The following EBF1 variants were observed in gnomAD, a reference collection of about 807,000 sequenced individuals.
EBF1 encodes transcription factor COE1.
EBF1 carries 10 observed loss-of-function variants against 68.4 expected under a neutral mutation model. The observed-to-expected ratio is 0.15, with a 90% CI of 0.09 to 0.25. The LOEUF (loss-of-function observed/expected upper bound fraction) is 0.25. Among genes scored for constraint, EBF1 ranks in the 10% least tolerant of loss-of-function variants. EBF1 has a pLI of 1.00. For synonymous variants in EBF1, 298 were observed against 299.8 expected (o/e 0.99, Z 0.06); for missense variants, 509 against 794.4 (o/e 0.64, Z 4.32).
At chr5:158,918,567 G>T (rs903345237) in intron 6 of EBF1, among the ~76,000 whole-genome samples, 2 of 152,168 alleles carry the variant, frequency 1.3e-5, no homozygotes, top group Non-Finnish European at 2.9e-5. Flanking sequence ...GAGAAACTGA[G>T]ATTTAATAAT....
chr5:158,767,487 C>T (rs1049787072), intron 10 of EBF1, among the ~76,000 whole-genome samples: 10 of 152,078 alleles, frequency 6.6e-5, no homozygotes, highest in African/African-American at 2.4e-4. Context: ...GGCTCTGGTA[C>T]CCTTCACCAG....
chr5:158,697,356 T>TA lies in EBF1; in HGVS notation c.*1754dup, dbSNP rs551249027. 18 of 198,554 alleles carry TA rather than the reference T, an allele frequency of 9.1e-5. No individual in the cohort carries two copies. The highest frequency in any genetic ancestry group is 5.4e-4 in the Admixed American group (9 of 16,522). The allele number at this position is 198,554 out of a possible 1,614,324, so 12.3% of individuals were successfully genotyped here. ...TAGACAATGACTTTTGGGTGGAAAT[T>TA]AAAAAAACTGAAGCATGGTTTATAA... On this transcript the variant is annotated 3_prime_UTR_variant, in exon 16 of 16. Transcript: ENST00000313708.
At chr5:158,969,210 G>A (rs911798832) in intron 6 of EBF1, among the ~76,000 whole-genome samples, 3 of 152,128 alleles carry the variant, frequency 2.0e-5, no homozygotes, top group Non-Finnish European at 2.9e-5. Context: ...GTTGAGGCAT[G>A]AGACTCACTT....
At chr5:159,031,539 A>T (rs1481716428) in intron 6 of EBF1, among the ~76,000 whole-genome samples, 1 of 152,180 alleles carries the variant, frequency 6.6e-6, no homozygotes, top group Non-Finnish European at 1.5e-5. Context: ...TCTACATTTG[A>T]CTTCAACTGG....
intron 1 of EBF1, among the ~76,000 whole-genome samples, chr5:159,098,826 AAAAG>A (rs1348788663): frequency 6.6e-6 from 1 of 151,744 alleles, no homozygotes; most frequent in Admixed American, 6.6e-5. Context: ...GAAGAAAGAA[AAAAG>A]AAAGGCAGGA....
chr5:159,081,125 C>T (rs190807514), intron 5 of EBF1, among the ~76,000 whole-genome samples: 5 of 152,210 alleles, frequency 3.3e-5, no homozygotes, highest in Admixed American at 3.3e-4. Flanking sequence ...GGAATACAGG[C>T]ATGCACCATG....
At chr5:158,938,136 C>A (rs1308759750) in intron 6 of EBF1, among the ~76,000 whole-genome samples, 1 of 152,150 alleles carries the variant, frequency 6.6e-6, no homozygotes, top group African/African-American at 2.4e-5. Context: ...TTGTTTGAGA[C>A]CCTTTTCAAT....
chr5:158,732,513 C>A (rs1764307442), intron 10 of EBF1, among the ~76,000 whole-genome samples: 1 of 151,918 alleles, frequency 6.6e-6, no homozygotes, highest in South Asian at 2.1e-4. Context: ...ACTTGTAAAT[C>A]TAAAAGGCTA....
intron 7 of EBF1, among the ~76,000 whole-genome samples, chr5:158,831,940 G>A (rs1057309003): frequency 1.3e-5 from 2 of 152,222 alleles, no homozygotes; most frequent in Admixed American, 1.3e-4. Context: ...AGGCCAATGT[G>A]CTTGACAGGA....
In EBF1 at chr5:158,906,106, G is replaced by C. The variant is rs954020650; in HGVS notation, c.555-65996C>G. On this transcript the variant is annotated intron_variant, in intron 6 of 15. Coordinates refer to ENST00000313708, the MANE Select transcript of EBF1 (RefSeq NM_024007.5). ...CCAGCTTTACCATGAGGGGAAGGTG[G>C]TTCGATAGGGAAAGAGGGATAAAGG... Among the ~76,000 whole-genome samples, 54 of 152,152 alleles carry C rather than the reference G, an allele frequency of 3.5e-4. 1 individual carries two copies. Among genetic ancestry groups the C allele is most frequent in the Non-Finnish European group, 5.7e-4 (39 of 68,008 alleles).
chr5:159,096,218 G>A (rs1193037103), intron 3 of EBF1, 125 bp downstream of exon 3: 1 of 1,035,710 alleles, frequency 9.7e-7, no homozygotes, highest in South Asian at 1.6e-5. Flanking sequence ...AGGAGAGGCT[G>A]GTTCACCTCA....
At chr5:158,969,900 GAAAGAAAGAAAGAAAGAAAAAAAA>G (rs1360432201) in intron 6 of EBF1, among the ~76,000 whole-genome samples, 66 of 107,218 alleles carry the variant, frequency 6.2e-4, no homozygotes, top group Non-Finnish European at 9.9e-4. Flanking sequence ...AAGAAAGAAA[GAAAGAAAGAAAGAAAGAAAAAAAA>G]AAAAAAGGCT....
rs143562230 is a variant in EBF1 at position 158,728,896 on chromosome 5, C to T, written c.1125+2173G>A. 9.8e-4 allele frequency among the ~76,000 whole-genome samples: 149 copies of T among 152,332 alleles called. 1 individual carries two copies. Among genetic ancestry groups the T allele is most frequent in the African/African-American group, 3.4e-3 (141 of 41,578 alleles). ...TAAAGTGGCAACTATGGGCCAGATG[C>T]TATGCCAAGGGCACCCATGAGATGA... is the stretch of plus-strand genomic sequence containing the variant. On this transcript the variant is annotated intron_variant, in intron 11 of 15. Coordinates refer to ENST00000313708, the MANE Select transcript of EBF1 (RefSeq NM_024007.5).
rs5872586 is a variant in EBF1 at position 159,099,526 on chromosome 5, T to TA, written c.-49dup. The TA allele has an allele frequency of 0.089, 97,255 of 1,091,194 alleles. 1,127 individuals are homozygous for TA. Among genetic ancestry groups the TA allele is most frequent in the East Asian group, 0.3 (8,846 of 29,868 alleles). The allele number at this position is 1,091,194 out of a possible 1,614,324, so 67.6% of individuals were successfully genotyped here. A position where few individuals can be genotyped will look rare whatever the true frequency, so the allele number is the denominator to read the frequency against. ...AAATCTCCTCCCCCTTGAAAAAAAT[T>TA]AAAAAAAAAAAAAAAGGAAAGAAAA... On this transcript the variant is annotated 5_prime_UTR_variant, in exon 1 of 16. Coordinates refer to ENST00000313708, the MANE Select transcript of EBF1 (RefSeq NM_024007.5).
chr5:158,710,756 A>G (rs1759043007), intron 14 of EBF1, among the ~76,000 whole-genome samples: 1 of 152,226 alleles, frequency 6.6e-6, no homozygotes, highest in Non-Finnish European at 1.5e-5. Context: ...AGAACAATCC[A>G]TACTTTCACT....
intron 6 of EBF1, among the ~76,000 whole-genome samples, chr5:158,911,455 G>A (rs1178753047): frequency 1.3e-5 from 2 of 151,710 alleles, no homozygotes; most frequent in South Asian, 4.2e-4. Context: ...CATGAGGATA[G>A]AGGGGTTTTT....
intron 8 of EBF1, among the ~76,000 whole-genome samples, chr5:158,818,876 G>A (rs577306245): frequency 1.3e-4 from 19 of 149,708 alleles, no homozygotes; most frequent in African/African-American, 4.4e-4. Context: ...TTGACTAATA[G>A]TTCCATTGTT....
chr5:158,774,676 G>A (rs2127667261), intron 10 of EBF1, among the ~76,000 whole-genome samples: 1 of 152,160 alleles, frequency 6.6e-6, no homozygotes, highest in South Asian at 2.1e-4. Flanking sequence ...GAACAGAGAG[G>A]TTTTATGAGC....
chr5:158,844,471 A>G (rs1018710038), intron 6 of EBF1, among the ~76,000 whole-genome samples: 2 of 152,216 alleles, frequency 1.3e-5, no homozygotes, highest in Admixed American at 1.3e-4. Flanking sequence ...CGAAAGGACT[A>G]GTCATGGTAT....
Sources: gnomAD v4.1 joint callset for allele counts (sites outside exome capture counted in the v4.1 genomes callset) on GRCh38, gnomAD v4.1.1 for gene constraint, MANE v1.5 for transcripts, NCBI Gene and HGNC (gene_info 2026-07-23, HGNC 2026-07-21) for gene names.